The following EHBP1 variants were observed in gnomAD, a reference collection of about 807,000 sequenced individuals.
The protein encoded by EHBP1 is EH domain-binding protein 1.
Under a neutral mutation model 144.0 loss-of-function variants are expected in EHBP1, and 55 were observed. The observed-to-expected ratio is 0.38, with a 90% confidence interval of 0.31 to 0.48. The LOEUF is 0.48. Ranked by LOEUF, EHBP1 falls within the 20% of genes least tolerant of loss-of-function variation. The pLI is 0.98. For missense variants in EHBP1, 1,200 were observed against 1,364.2 expected (o/e 0.88, Z 1.90); for synonymous variants, 469 against 472.7 (o/e 0.99, Z 0.10).
intron 21 of EHBP1, 158 bp from the exon 22 acceptor site, chr2:63,044,908 A>C (rs1488391151): frequency 2.7e-5 from 16 of 595,144 alleles, no homozygotes; most frequent in Non-Finnish European, 4.9e-5. Context: ...GGAAGCCTTC[A>C]CCACAACAGC....
chr2:63,023,704 A>G lies in EHBP1; in HGVS notation c.3104-13831A>G, dbSNP rs137886461. Among the ~76,000 whole-genome samples, 453 of 152,258 alleles carry G rather than the reference A, an allele frequency of 3.0e-3. 2 individuals carry two copies. Among genetic ancestry groups the G allele is most frequent in the South Asian group, 0.016 (76 of 4,822 alleles). ...CAAGCACTAACGTTTCTTCCCTACT[A>G]GCATGTTGTCCTCCACATTAGACAC... On this transcript the variant is annotated intron_variant, in intron 19 of 22. Transcript: ENST00000431489.
At chr2:62,943,304 A>G (rs546809887) in intron 11 of EHBP1, among the ~76,000 whole-genome samples, 2 of 141,738 alleles carry the variant, frequency 1.4e-5, no homozygotes, top group Non-Finnish European at 3.0e-5. Context: ...TGAACCCAGG[A>G]GGCAGAGGTT....
At chr2:62,710,358 T>G (rs887647512) in intron 2 of EHBP1, among the ~76,000 whole-genome samples, 1 of 151,940 alleles carries the variant, frequency 6.6e-6, no homozygotes, top group East Asian at 1.9e-4. Flanking sequence ...TGAACATATT[T>G]TATATTTGTA....
At chr2:62,932,553 A>G (rs2056083924) in intron 10 of EHBP1, among the ~76,000 whole-genome samples, 1 of 152,206 alleles carries the variant, frequency 6.6e-6, no homozygotes, top group Non-Finnish European at 1.5e-5. Flanking sequence ...TACTAGGGGC[A>G]GAGACTTGTT....
intron 19 of EHBP1, among the ~76,000 whole-genome samples, chr2:63,032,296 C>G (rs115403826): frequency 6.7e-6 from 1 of 149,510 alleles, no homozygotes; most frequent in African/African-American, 2.5e-5. Context: ...AGGCTGGGCG[C>G]GGTGCCTCAC....
chr2:62,723,665 C>T lies in EHBP1; in HGVS notation c.104+16370C>T, dbSNP rs554787771. Among the ~76,000 whole-genome samples the T allele has an allele frequency of 2.6e-5, 4 of 152,256 alleles. 1 individual carries two copies. The highest frequency in any genetic ancestry group is 9.6e-5 in the African/African-American group (4 of 41,560). ...GTTTCCTTTAGGAGCTCTTGTAAGG[C>T]AGATCTGGTGATAATTAATTTCCTC... On this transcript the variant is annotated intron_variant, in intron 2 of 22. Transcript: ENST00000431489.
intron 1 of EHBP1, among the ~76,000 whole-genome samples, chr2:62,687,548 CTTA>C (rs2033759689): frequency 6.6e-6 from 1 of 152,194 alleles, no homozygotes; most frequent in Non-Finnish European, 1.5e-5. Flanking sequence ...CAAGTAGCCA[CTTA>C]TTATTTGCCT....
At position 62,996,639 on chromosome 2, in the gene EHBP1, A is replaced by G; in HGVS notation, c.2980-4A>G. 6.2e-7 allele frequency: 1 copy of G among 1,613,038 alleles called. No individual in the cohort carries two copies. Among genetic ancestry groups the G allele is most frequent in the Non-Finnish European group, 8.5e-7 (1 of 1,179,444 alleles). ...TTTTCCTTCCTGTTTGTTCTTGTTA[A>G]CAGAAAGGGTTCAAAGACACCAGTC... On this transcript the variant is annotated splice_region_variant and splice_polypyrimidine_tract_variant and intron_variant, in intron 18 of 22. Coordinates refer to ENST00000431489, the MANE Select transcript of EHBP1 (RefSeq NM_001142616.3).
intron 15 of EHBP1, among the ~76,000 whole-genome samples, chr2:62,987,209 C>T (rs1056261975): frequency 6.6e-6 from 1 of 152,124 alleles, no homozygotes; most frequent in African/African-American, 2.4e-5. Context: ...TACTAAAAAT[C>T]CTTAATGTCA....
At chr2:62,716,115 T>C (rs1449863895) in intron 2 of EHBP1, among the ~76,000 whole-genome samples, 1 of 152,162 alleles carries the variant, frequency 6.6e-6, no homozygotes, top group African/African-American at 2.4e-5. Context: ...GACCTTTCAA[T>C]GTCCCACCCA....
intron 2 of EHBP1, among the ~76,000 whole-genome samples, chr2:62,747,001 G>T (rs536129665): frequency 6.6e-6 from 1 of 152,032 alleles, no homozygotes; most frequent in Non-Finnish European, 1.5e-5. Context: ...TGAATTCATA[G>T]ATTTAAATTA....
intron 10 of EHBP1, among the ~76,000 whole-genome samples, chr2:62,899,342 G>A (rs951780395): frequency 2.0e-5 from 3 of 152,202 alleles, no homozygotes; most frequent in African/African-American, 7.2e-5. Flanking sequence ...CTGGCTTCAA[G>A]TGTCTCAAGG....
rs2059946405 is a variant in EHBP1, at chr2:63,004,208, G to A, written c.3103+7442G>A. Among the ~76,000 whole-genome samples the A allele has an allele frequency of 2.0e-5, 3 of 151,726 alleles. No individual in the cohort carries two copies. In the South Asian group the frequency reaches 6.2e-4, roughly 32 times the overall value. ...TGGCATGCCATCCAATTATTAAATG[G>A]TGGATACATGGATTTTCTTTGGTAA... is the stretch of plus-strand genomic sequence containing the variant. On this transcript the variant is annotated intron_variant, in intron 19 of 22. Coordinates refer to ENST00000431489, the MANE Select transcript of EHBP1 (RefSeq NM_001142616.3).
Position 62,894,927 on chromosome 2 carries a change from A to AAGAGAGAGAGAGAGAGAGAG in EHBP1, c.1185+20405_1185+20424dup, listed in dbSNP as rs57403564. Among the ~76,000 whole-genome samples the AAGAGAGAGAGAGAGAGAGAG allele has an allele frequency of 1.6e-3, 223 of 141,182 alleles. 3 individuals are homozygous for AAGAGAGAGAGAGAGAGAGAG. Among genetic ancestry groups the AAGAGAGAGAGAGAGAGAGAG allele is most frequent in the African/African-American group, 5.5e-3 (205 of 37,100 alleles). 92.6% of individuals were successfully genotyped at this position (141,182 alleles called of 152,430 possible). A position where few individuals can be genotyped will look rare whatever the true frequency, so the allele number is the denominator to read the frequency against. On this transcript the variant is annotated intron_variant, in intron 10 of 22. Transcript: ENST00000431489. ...CAAGACCCTAGCAAAAACAGAAAGA[A>AAGAGAGAGAGAGAGAGAGAG]AGAGAGAGAGAGAGAGAGAGAGAGA...
chr2:62,739,530 T>C (rs1323075279), intron 2 of EHBP1, among the ~76,000 whole-genome samples: 5 of 152,124 alleles, frequency 3.3e-5, no homozygotes, highest in African/African-American at 7.2e-5. Flanking sequence ...ATTAAAGGAA[T>C]CATTATGGGT....
At chr2:62,784,390 A>C (rs1375256626) in intron 5 of EHBP1, among the ~76,000 whole-genome samples, 3 of 152,190 alleles carry the variant, frequency 2.0e-5, no homozygotes. Flanking sequence ...TATTGGTTAT[A>C]CATTTACTTC....
chr2:62,892,941 G>C (rs918101141), intron 10 of EHBP1, among the ~76,000 whole-genome samples: 5 of 152,090 alleles, frequency 3.3e-5, no homozygotes, highest in African/African-American at 1.2e-4. Context: ...TCAAAAATAT[G>C]AACTCAAACA....
intron 13 of EHBP1, among the ~76,000 whole-genome samples, chr2:62,954,137 A>C (rs1483608657): frequency 6.6e-6 from 1 of 152,146 alleles, no homozygotes; most frequent in Admixed American, 6.5e-5. Flanking sequence ...ACTTGCCCAT[A>C]ATTAAGTGGT....
intron 2 of EHBP1, among the ~76,000 whole-genome samples, chr2:62,716,267 T>C (rs2035671079): frequency 6.6e-6 from 1 of 152,192 alleles, no homozygotes; most frequent in Non-Finnish European, 1.5e-5. Flanking sequence ...TGGACAATTC[T>C]AAGGCTTCAA....
Sources: gnomAD v4.1 joint callset for allele counts (sites outside exome capture counted in the v4.1 genomes callset) on GRCh38, gnomAD v4.1.1 for gene constraint, MANE v1.5 for transcripts, NCBI Gene and HGNC (gene_info 2026-07-23, HGNC 2026-07-21) for gene names.